The following ITGA9 variants were observed in gnomAD, a reference collection of about 807,000 sequenced individuals.
ITGA9 encodes the protein integrin subunit alpha 9.
A neutral mutation model predicts 127.8 loss-of-function variants in ITGA9; 56 were observed. The observed-to-expected ratio is 0.44, with a 90% confidence interval of 0.35 to 0.55. The LOEUF is 0.55. Among genes scored for constraint, ITGA9 ranks in the 20% least tolerant of loss-of-function variants. The pLI is 0.00. For missense variants in ITGA9, 1,196 were observed against 1,347.1 expected (o/e 0.89, Z 1.76); for synonymous variants, 508 against 514.5 (o/e 0.99, Z 0.17).
At chr3:37,661,853 G>A (rs918946120) in intron 17 of ITGA9, among the ~76,000 whole-genome samples, 4 of 152,202 alleles carry the variant, frequency 2.6e-5, no homozygotes, top group Non-Finnish European at 5.9e-5. Context: ...CAGCTTCCAA[G>A]AGGTGGTGTT....
intron 27 of ITGA9, among the ~76,000 whole-genome samples, chr3:37,809,631 T>C (rs746411035): frequency 6.6e-6 from 1 of 152,032 alleles, no homozygotes; most frequent in Non-Finnish European, 1.5e-5. Context: ...AAAAAAATTT[T>C]TTTTTCTCAA....
At chr3:37,646,502 G>A (rs1203163995) in intron 16 of ITGA9, among the ~76,000 whole-genome samples, 2 of 152,242 alleles carry the variant, frequency 1.3e-5, no homozygotes, top group Non-Finnish European at 2.9e-5. Context: ...TGGATGTCCA[G>A]TCTTCAGCTC....
intron 18 of ITGA9, among the ~76,000 whole-genome samples, chr3:37,715,607 C>G (rs1462732009): frequency 6.6e-6 from 1 of 152,180 alleles, no homozygotes; most frequent in Non-Finnish European, 1.5e-5. Context: ...TTAAGGGGCA[C>G]TTAAGTGGAT....
chr3:37,724,101 C>T (rs935361719), intron 18 of ITGA9, among the ~76,000 whole-genome samples: 2 of 152,102 alleles, frequency 1.3e-5, no homozygotes, highest in Non-Finnish European at 1.5e-5. Context: ...CTGGAAGCCT[C>T]GGGCTCACAT....
chr3:37,460,699 C>T (rs980839396), intron 1 of ITGA9, among the ~76,000 whole-genome samples: 4 of 151,398 alleles, frequency 2.6e-5, no homozygotes, highest in African/African-American at 7.3e-5. Flanking sequence ...ACGCCATTCT[C>T]CTGCCTCAGC....
chr3:37,671,956 C>T (rs569818904), intron 17 of ITGA9, among the ~76,000 whole-genome samples: 18 of 151,984 alleles, frequency 1.2e-4, no homozygotes, highest in South Asian at 4.2e-4. Flanking sequence ...CATAAAGCCA[C>T]GTACAGTTAT....
intron 17 of ITGA9, among the ~76,000 whole-genome samples, chr3:37,662,982 A>T (rs1376510934): frequency 6.6e-6 from 1 of 152,182 alleles, no homozygotes; most frequent in African/African-American, 2.4e-5. Flanking sequence ...TGTGACCAGG[A>T]TTCATGGATG....
chr3:37,775,849 A>G (rs531733459), intron 23 of ITGA9, among the ~76,000 whole-genome samples: 2 of 152,212 alleles, frequency 1.3e-5, no homozygotes, highest in Non-Finnish European at 2.9e-5. Flanking sequence ...CCAAATGAAT[A>G]TAAATCATTC....
rs1384042131 is a variant in ITGA9, at chr3:37,598,134, G to A, written c.1690-31053G>A. On this transcript the variant is annotated intron_variant, in intron 15 of 27. Coordinates refer to ENST00000264741, the MANE Select transcript of ITGA9 (RefSeq NM_002207.3). ...AAAATTTATCTCACTGGGTAGTCAGGATTACATAAGAGTAATAACATCTCA... is the reference window on the plus strand; with the variant it reads ...AAAATTTATCTCACTGGGTAGTCAGAATTACATAAGAGTAATAACATCTCA... Among the ~76,000 whole-genome samples the A allele has an allele frequency of 3.9e-5, 6 of 152,156 alleles. No homozygotes were observed. In the East Asian group the frequency reaches 1.2e-3, roughly 29 times the overall value.
chr3:37,473,216 A>C, intron 2 of ITGA9, 138 bp from the exon 3 acceptor site: 6 of 661,392 alleles, frequency 9.1e-6, no homozygotes, highest in Non-Finnish European at 1.7e-5. Flanking sequence ...ATTAAACAGT[A>C]TAGTACATAG....
intron 15 of ITGA9, among the ~76,000 whole-genome samples, 180 bp downstream of exon 15, chr3:37,542,765 T>G (rs1010972745): frequency 3.3e-5 from 5 of 152,336 alleles, no homozygotes; most frequent in Non-Finnish European, 7.4e-5. Flanking sequence ...CTTTTATTTA[T>G]CTTACTGTGT....
chr3:37,794,762 A>C (rs1697153070), intron 26 of ITGA9, among the ~76,000 whole-genome samples: 2 of 152,248 alleles, frequency 1.3e-5, no homozygotes, highest in Non-Finnish European at 2.9e-5. Context: ...CTGACAGAGA[A>C]AGGGATTTTG....
chr3:37,760,852 C>T (rs17036910), intron 23 of ITGA9, among the ~76,000 whole-genome samples: 14,038 of 152,120 alleles, frequency 0.092, 1,968 homozygotes, highest in African/African-American at 0.31. Context: ...GATCAAAATA[C>T]ATCATAAGGG....
intron 26 of ITGA9, among the ~76,000 whole-genome samples, chr3:37,789,104 G>A (rs1413526724): frequency 7.9e-5 from 12 of 151,978 alleles, no homozygotes; most frequent in Non-Finnish European, 1.6e-4. Flanking sequence ...CCTTTATTTG[G>A]GAAATACTGT....
chr3:37,466,540 A>G (rs941723265), intron 1 of ITGA9, among the ~76,000 whole-genome samples: 1 of 147,842 alleles, frequency 6.8e-6, no homozygotes, highest in Non-Finnish European at 1.5e-5. Flanking sequence ...GGCATCTTTA[A>G]CTGGGGATGG....
chr3:37,684,299 C>T (rs1700761217), intron 18 of ITGA9, among the ~76,000 whole-genome samples: 1 of 152,088 alleles, frequency 6.6e-6, no homozygotes, highest in Non-Finnish European at 1.5e-5. Flanking sequence ...TACATCTGGC[C>T]CCTTCTTGGA....
At chr3:37,807,355 G>A (rs931443473) in intron 27 of ITGA9, 1 of 152,310 alleles carries the variant, frequency 6.6e-6, no homozygotes, top group Non-Finnish European at 1.5e-5. Context: ...GACCTTTAGT[G>A]TGGTTTGAGT....
chr3:37,631,507 T>C (rs79153456), intron 16 of ITGA9, among the ~76,000 whole-genome samples: 1,927 of 152,270 alleles, frequency 0.013, 37 homozygotes, highest in African/African-American at 0.042. Context: ...TGGTACCCCA[T>C]TGCAATGATT....
intron 22 of ITGA9, among the ~76,000 whole-genome samples, chr3:37,745,265 T>C (rs1307023007): frequency 6.6e-6 from 1 of 152,184 alleles, no homozygotes; most frequent in African/African-American, 2.4e-5. Context: ...GAAACCATGA[T>C]ACATAACACA....
Sources: gnomAD v4.1 joint callset for allele counts (sites outside exome capture counted in the v4.1 genomes callset) on GRCh38, gnomAD v4.1.1 for gene constraint, MANE v1.5 for transcripts, NCBI Gene and HGNC (gene_info 2026-07-23, HGNC 2026-07-21) for gene names.